Variants in FSIP2 observed in about 807,000 individuals in gnomAD.
The protein encoded by FSIP2 is fibrous sheath-interacting protein 2.
In FSIP2, 367 loss-of-function variants were observed where a neutral mutation model predicts 510.5. The ratio of observed to expected loss-of-function variants is 0.72; its 90% CI spans 0.66 to 0.78. The LOEUF is 0.78. FSIP2 is among the 30% of genes least tolerant of loss of function. The pLI, the probability that FSIP2 is intolerant of heterozygous loss-of-function variation, is 0.00. For synonymous variants in FSIP2, 2,601 were observed against 2,732.2 expected (o/e 0.95, Z 1.50); for missense variants, 7,594 against 7,901.7 (o/e 0.96, Z 1.48).
intron 13 of FSIP2, among the ~76,000 whole-genome samples, chr2:185,773,207 G>A (rs185822853): frequency 7.8e-4 from 119 of 152,068 alleles, no homozygotes; most frequent in Middle Eastern, 3.4e-3. Context: ...GAACTCCCTC[G>A]GTATTTGCTT....
rs1693228390 is a variant in FSIP2, at chr2:185,794,778, G to A, written c.7642G>A (p.Gly2548Arg). Residue 2548 changes from glycine to arginine, a missense_variant, in exon 16 of 23, where the codon GGG becomes AGG. Coordinates refer to ENST00000424728, the MANE Select transcript of FSIP2 (RefSeq NM_173651.4). ...VANDIVESVL[G>R]KMYLVVVTSL... ...AAATGACATAGTTGAAAGTGTTTTGGGGAAAATGTACTTGGTAGTTGTGAC... is the reference window on the plus strand; with the variant it reads ...AAATGACATAGTTGAAAGTGTTTTGAGGAAAATGTACTTGGTAGTTGTGAC... 6 of 1,534,120 alleles carry A rather than the reference G, an allele frequency of 3.9e-6. No individual in the cohort carries two copies. In the South Asian group the frequency reaches 7.2e-5, roughly 18 times the overall value.
chr2:185,741,291 T>G (rs1544712), intron 2 of FSIP2, among the ~76,000 whole-genome samples: 82,418 of 151,704 alleles, frequency 0.54, 22,622 homozygotes, highest in South Asian at 0.64. Flanking sequence ...ATGAAATTAG[T>G]CACCATATAA....
chr2:185,800,026 A>C lies in FSIP2; in HGVS notation c.10720A>C (p.Ile3574Leu). 1 of 1,522,104 alleles carries C rather than the reference A, an allele frequency of 6.6e-7. No homozygotes were observed. Among genetic ancestry groups the C allele is most frequent in the South Asian group, 1.2e-5 (1 of 82,090 alleles). The allele number at this position is 1,522,104 out of a possible 1,614,324, so 94.3% of individuals were successfully genotyped here. Residue 3574 changes from isoleucine to leucine, a missense_variant, in exon 17 of 23, where the codon ATA becomes CTA. Transcript: ENST00000424728. ...TAAAATTCTTTTTAATAATAAAATT[A>C]TACAGGCTGACATTGCACAGAAAAT... ...IIKILFNNKI[I>L]QADIAQKMVA...
At position 185,748,003 on chromosome 2, in the gene FSIP2, C is replaced by G. The variant is rs1444059118; in HGVS notation, c.870+580C>G. 2.6e-5 allele frequency among the ~76,000 whole-genome samples: 4 copies of G among 151,832 alleles called. No homozygotes were observed. The East Asian group carries it at 5.8e-4, about 22-fold the overall frequency. On this transcript the variant is annotated intron_variant, in intron 7 of 22. Coordinates refer to ENST00000424728, the MANE Select transcript of FSIP2 (RefSeq NM_173651.4). ...TAATAAAATGCCATTGTCAACTTAGCATGTTGATAAATGTTGATCTAAAAT... is the reference window on the plus strand; with the variant it reads ...TAATAAAATGCCATTGTCAACTTAGGATGTTGATAAATGTTGATCTAAAAT...
At chr2:185,743,927 T>C (rs1468989640) in intron 3 of FSIP2, among the ~76,000 whole-genome samples, 3 of 152,114 alleles carry the variant, frequency 2.0e-5, no homozygotes, top group Non-Finnish European at 4.4e-5. Flanking sequence ...CTGGACCTCC[T>C]GGGCTAAAGC....
chr2:185,832,000 A>G (rs1233567065), intron 22 of FSIP2, 118 bp downstream of exon 22: 1 of 661,942 alleles, frequency 1.5e-6, no homozygotes, highest in African/African-American at 1.8e-5. Flanking sequence ...CATATTATCA[A>G]AATAGGAGTG....
rs780321090 is a variant in FSIP2, at chr2:185,803,361, T to A, written c.14055T>A (p.Cys4685Ter). 25 of 1,533,158 alleles carry A rather than the reference T, an allele frequency of 1.6e-5. 1 individual carries two copies. The South Asian group carries it at 2.9e-4, about 18-fold the overall frequency. The allele number at this position is 1,533,158 out of a possible 1,614,324, so 95.0% of individuals were successfully genotyped here. A position where few individuals can be genotyped will look rare whatever the true frequency, so the allele number is the denominator to read the frequency against. The change falls in exon 17 of 23, where the codon TGT becomes TGA. Residue 4685 changes from cysteine to a stop codon, truncating the protein, a stop_gained. Transcript: ENST00000424728. LOFTEE classifies it high-confidence loss of function. ...TAGATAATACTGAGGAAAGACTGTG[T>A]TTACCTCCAGTGGAGAGGGATGTAG... ...SIIDNTEERLCLPPVERDVVK... is the reference protein window; with the variant it reads ...SIIDNTEERL
Position 185,802,022 on chromosome 2 carries a change from G to T in FSIP2, c.12716G>T (p.Ser4239Ile). The T allele has an allele frequency of 1.3e-6, 2 of 1,530,020 alleles. No homozygotes were observed. Among genetic ancestry groups the T allele is most frequent in the Non-Finnish European group, 1.7e-6 (2 of 1,144,044 alleles). 94.8% of individuals were successfully genotyped at this position (1,530,020 alleles called of 1,614,324 possible). A position where few individuals can be genotyped will look rare whatever the true frequency, so the allele number is the denominator to read the frequency against. The change falls in exon 17 of 23, where the codon AGC becomes ATC. Residue 4239 changes from serine (S) to isoleucine (I), a missense_variant. Physicochemically the swap from Ser to Ile is moderately radical, Grantham distance 142. Transcript: ENST00000424728. ...VSIQKSIVSR[S>I]PIMIDQIASF... is the part of the protein sequence containing the mutation. Reference sequence around the variant, plus strand: ...ATACAAAAAAGTATAGTAAGCCGAAGCCCAATTATGATTGACCAAATAGCC... The same window carrying T: ...ATACAAAAAAGTATAGTAAGCCGAATCCCAATTATGATTGACCAAATAGCC...
rs867205063 is a variant in FSIP2, at chr2:185,806,143, G to A, written c.16837G>A (p.Asp5613Asn). Reference sequence around the variant, plus strand: ...TGAAATAGGCTATAAAAAGAAGATTGACAATGCAAGGGAAAGCTCATTTAA... The same window carrying A: ...TGAAATAGGCTATAAAAAGAAGATTAACAATGCAAGGGAAAGCTCATTTAA... ...DSEIGYKKKI[D>N]NARESSFKKD... The change falls in exon 17 of 23, where the codon GAC (aspartate) becomes AAC (asparagine). Residue 5613 changes from aspartate to asparagine, a missense_variant. Physicochemically the swap from Asp to Asn is conservative, Grantham distance 23. Coordinates refer to ENST00000424728, the MANE Select transcript of FSIP2 (RefSeq NM_173651.4). The A allele has an allele frequency of 4.4e-6, 7 of 1,576,092 alleles. No individual in the cohort carries two copies. The highest frequency in any genetic ancestry group is 4.3e-6 in the Non-Finnish European group (5 of 1,167,916).
chr2:185,743,724 G>A (rs1235337785), intron 3 of FSIP2, among the ~76,000 whole-genome samples: 1 of 151,962 alleles, frequency 6.6e-6, no homozygotes, highest in African/African-American at 2.4e-5. Context: ...TATTGGAGTC[G>A]AACAATGTTA....
chr2:185,738,351 A>G (rs1691828690), upstream of FSIP2: 1 of 457,234 alleles, frequency 2.2e-6, no homozygotes, highest in South Asian at 2.4e-5. Flanking sequence ...GGAGAAGGAA[A>G]CCTAGGGGAC....
intron 11 of FSIP2, among the ~76,000 whole-genome samples, chr2:185,762,527 C>A (rs1692374853): frequency 1.3e-5 from 2 of 151,382 alleles, no homozygotes; most frequent in African/African-American, 4.8e-5. Context: ...TAAGGATCAC[C>A]TCAAATTTAA....
chr2:185,827,757 G>T (rs1462339663), intron 20 of FSIP2, among the ~76,000 whole-genome samples: 2 of 151,782 alleles, frequency 1.3e-5, no homozygotes, highest in African/African-American at 4.8e-5. Flanking sequence ...TTTTAAGTAG[G>T]CATGTAAAGA....
In FSIP2 at chr2:185,808,992, TG is replaced by T. The variant is rs747943472; in HGVS notation, c.19688del (p.Gly6563AspfsTer4). The stretch of plus-strand genomic sequence containing the variant: ...TTAAGCAGGAGTGTTTGAAAAGAAC[TG>T]GACATAGCATAGCAGAACTGAGAAG... ...KLKQECLKRTGHSIAELRRAS... is the reference protein window; with the variant it reads ...KLKQECLKRTXHSIAELRRAS... On this transcript the variant is annotated frameshift_variant, in exon 17 of 23. Coordinates refer to ENST00000424728, the MANE Select transcript of FSIP2 (RefSeq NM_173651.4). LOFTEE classifies it high-confidence loss of function. 2 of 1,612,776 alleles carry T rather than the reference TG, an allele frequency of 1.2e-6. No homozygotes were observed. The highest frequency in any genetic ancestry group is 1.7e-6 in the Non-Finnish European group (2 of 1,179,466).
chr2:185,767,706 TAGAC>T (rs1451694143), intron 13 of FSIP2, among the ~76,000 whole-genome samples: 1 of 152,158 alleles, frequency 6.6e-6, no homozygotes, highest in Non-Finnish European at 1.5e-5. Context: ...TACATCTACT[TAGAC>T]AGATAGATCT....
At chr2:185,821,066 G>C (rs370874375) in intron 19 of FSIP2, among the ~76,000 whole-genome samples, 21 of 102,184 alleles carry the variant, frequency 2.1e-4, no homozygotes, top group African/African-American at 7.5e-4. Flanking sequence ...TCTTTAGCTA[G>C]ATTGCCTAAG....
At chr2:185,761,226 C>T (rs1470786465) in intron 10 of FSIP2, 123 bp downstream of exon 10, 1 of 403,432 alleles carries the variant, frequency 2.5e-6, no homozygotes, top group African/African-American at 2.1e-5. Flanking sequence ...GAGTTTTATT[C>T]ATGAAACATG....
intron 20 of FSIP2, among the ~76,000 whole-genome samples, chr2:185,826,578 C>G (rs917593981): frequency 1.6e-4 from 24 of 151,738 alleles, no homozygotes; most frequent in Non-Finnish European, 7.4e-5. Flanking sequence ...TATCCCAGTT[C>G]TTTGCTTTAC....
intron 13 of FSIP2, among the ~76,000 whole-genome samples, chr2:185,775,896 T>C (rs1367186011): frequency 1.3e-5 from 2 of 152,188 alleles, no homozygotes; most frequent in African/African-American, 4.8e-5. Flanking sequence ...ATTCCTGACC[T>C]CAGGTGATCC....
Sources: gnomAD v4.1 joint callset for allele counts (sites outside exome capture counted in the v4.1 genomes callset) on GRCh38, gnomAD v4.1.1 for gene constraint, MANE v1.5 for transcripts, NCBI Gene and HGNC (gene_info 2026-07-23, HGNC 2026-07-21) for gene names.